The following SPOCK1 variants were observed in gnomAD, a reference collection of about 807,000 sequenced individuals.
SPOCK1 encodes testican-1.
In SPOCK1, 23 loss-of-function variants were observed where a neutral mutation model predicts 55.3. The observed-to-expected ratio is 0.42, with a 90% confidence interval of 0.30 to 0.59. The LOEUF (loss-of-function observed/expected upper bound fraction) is 0.59, where lower values mean the gene tolerates loss of function less well. SPOCK1 is among the 20% of genes least tolerant of loss of function. The pLI is 0.22. For missense variants in SPOCK1, 499 were observed against 552.5 expected (o/e 0.90, Z 0.97); for synonymous variants, 226 against 221.0 (o/e 1.02, Z -0.20).
chr5:137,160,565 T>TTTATATA (rs1754517142), intron 3 of SPOCK1, among the ~76,000 whole-genome samples: 2 of 65,970 alleles, frequency 3.0e-5, no homozygotes, highest in Admixed American at 2.6e-4. Flanking sequence ...TATTATATAT[T>TTTATATA]ATATATTATA....
intron 2 of SPOCK1, among the ~76,000 whole-genome samples, chr5:137,354,103 C>T (rs1750739578): frequency 6.6e-6 from 1 of 152,174 alleles, no homozygotes; most frequent in Non-Finnish European, 1.5e-5. Context: ...ACTCCAACAT[C>T]TTTCCACTTA....
intron 2 of SPOCK1, among the ~76,000 whole-genome samples, chr5:137,377,119 T>G (rs1751335315): frequency 6.6e-6 from 1 of 152,210 alleles, no homozygotes; most frequent in Non-Finnish European, 1.5e-5. Flanking sequence ...CTCCAATTTT[T>G]TGTCTTCAGT....
chr5:137,012,041 A>G (rs904613174), intron 6 of SPOCK1, among the ~76,000 whole-genome samples: 1 of 152,120 alleles, frequency 6.6e-6, no homozygotes, highest in African/African-American at 2.4e-5. Flanking sequence ...AATCCACTGA[A>G]ATTATTATTT....
At chr5:137,360,655 A>G (rs1032861356) in intron 2 of SPOCK1, among the ~76,000 whole-genome samples, 5 of 152,202 alleles carry the variant, frequency 3.3e-5, no homozygotes, top group African/African-American at 1.2e-4. Context: ...CAGCACAGTG[A>G]TATTTGGGGT....
chr5:137,447,683 C>T (rs1051845826), intron 2 of SPOCK1, among the ~76,000 whole-genome samples: 8 of 152,074 alleles, frequency 5.3e-5, no homozygotes, highest in African/African-American at 1.7e-4. Context: ...AAGTGGGGAA[C>T]GCCTCCCTAA....
chr5:137,097,573 G>C (rs1753177105), intron 5 of SPOCK1, among the ~76,000 whole-genome samples: 1 of 152,130 alleles, frequency 6.6e-6, no homozygotes, highest in Non-Finnish European at 1.5e-5. Context: ...GGGGATAAGG[G>C]GATGTCATAG....
At chr5:137,366,938 G>T (rs764640459) in intron 2 of SPOCK1, among the ~76,000 whole-genome samples, 1 of 152,222 alleles carries the variant, frequency 6.6e-6, no homozygotes, top group Non-Finnish European at 1.5e-5. Flanking sequence ...AACTATGGTT[G>T]CAATTTTTAA....
intron 7 of SPOCK1, among the ~76,000 whole-genome samples, chr5:136,991,537 A>T (rs1750947561): frequency 6.6e-6 from 1 of 152,224 alleles, no homozygotes; most frequent in Non-Finnish European, 1.5e-5. Flanking sequence ...TACCTACTGC[A>T]TTCAATCCAG....
chr5:137,143,891 C>A (rs1451087848), intron 3 of SPOCK1, among the ~76,000 whole-genome samples: 3 of 152,106 alleles, frequency 2.0e-5, no homozygotes, highest in Non-Finnish European at 4.4e-5. Context: ...ACTCCAGAAC[C>A]CAAACTCTTC....
At chr5:137,476,616 A>G (rs1236160508) in intron 2 of SPOCK1, among the ~76,000 whole-genome samples, 7 of 152,194 alleles carry the variant, frequency 4.6e-5, no homozygotes, top group Non-Finnish European at 1.0e-4. Flanking sequence ...GCAGCTCAGC[A>G]AAACACATCA....
At chr5:137,185,170 A>G (rs1355434603) in intron 3 of SPOCK1, among the ~76,000 whole-genome samples, 3 of 152,204 alleles carry the variant, frequency 2.0e-5, no homozygotes, top group Non-Finnish European at 2.9e-5. Context: ...GGAGGGAAGA[A>G]GAGTTGGAGA....
intron 6 of SPOCK1, among the ~76,000 whole-genome samples, chr5:137,034,788 T>A (rs191615134): frequency 2.3e-4 from 35 of 152,242 alleles, no homozygotes; most frequent in African/African-American, 7.7e-4. Context: ...GATCCACAGT[T>A]GAGAAAGGGC....
chr5:137,398,313 A>C (rs549943492), intron 2 of SPOCK1, among the ~76,000 whole-genome samples: 77 of 152,312 alleles, frequency 5.1e-4, no homozygotes, highest in South Asian at 3.1e-3. Flanking sequence ...ATAAAGCGGC[A>C]TGAGGCAGAG....
At chr5:137,132,667 G>T (rs530326006) in intron 4 of SPOCK1, among the ~76,000 whole-genome samples, 3 of 152,100 alleles carry the variant, frequency 2.0e-5, no homozygotes, top group African/African-American at 7.2e-5. Context: ...GCACATCCTG[G>T]GAATTCAACC....
At chr5:137,104,053 G>T (rs1361766443) in intron 5 of SPOCK1, among the ~76,000 whole-genome samples, 1 of 152,158 alleles carries the variant, frequency 6.6e-6, no homozygotes, top group Non-Finnish European at 1.5e-5. Flanking sequence ...TCATTTGTTG[G>T]CTTTTTCTAA....
chr5:137,161,227 G>A (rs1466880865), intron 3 of SPOCK1, among the ~76,000 whole-genome samples: 3 of 151,392 alleles, frequency 2.0e-5, no homozygotes, highest in African/African-American at 4.8e-5. Context: ...ATCAACATCA[G>A]AAGTAGTTAC....
Position 137,317,297 on chromosome 5 carries a change from G to T in SPOCK1, c.187-50242C>A, listed in dbSNP as rs1253684098. ...TGCTTTTAGGTCCTACAGTGAAATT[G>T]CTGGAAGCCTTTTCTTCCTTGTTCC... On this transcript the variant is annotated intron_variant, in intron 2 of 10. Coordinates refer to ENST00000394945, the MANE Select transcript of SPOCK1 (RefSeq NM_004598.4). Among the ~76,000 whole-genome samples the T allele has an allele frequency of 2.6e-5, 4 of 152,326 alleles. No individual in the cohort carries two copies. The East Asian group carries it at 7.7e-4, about 29-fold the overall frequency.
intron 6 of SPOCK1, among the ~76,000 whole-genome samples, chr5:137,035,034 C>G (rs1751855422): frequency 6.6e-6 from 1 of 152,174 alleles, no homozygotes; most frequent in African/African-American, 2.4e-5. Flanking sequence ...CTGAGTTCTT[C>G]CATCAGATGC....
rs577606681 is a variant in SPOCK1, at chr5:137,101,007, A to T, written c.474+11428T>A. ...TTAATATTCCTTAATTTCCCCATAT[A>T]ACACACAGGTCTCAGCCTAGGGCTT... On this transcript the variant is annotated intron_variant, in intron 5 of 10. Coordinates refer to ENST00000394945, the MANE Select transcript of SPOCK1 (RefSeq NM_004598.4). Among the ~76,000 whole-genome samples, 9 of 152,312 alleles carry T rather than the reference A, an allele frequency of 5.9e-5. No individual in the cohort carries two copies. In the East Asian group the frequency reaches 1.4e-3, roughly 23 times the overall value.
Sources: allele counts gnomAD v4.1 joint callset (sites outside exome capture counted in the v4.1 genomes callset), GRCh38; gene constraint gnomAD v4.1.1; transcripts MANE v1.5; gene names NCBI Gene and HGNC (gene_info 2026-07-23, HGNC 2026-07-21).